Variants in FGL1 observed in about 807,000 individuals in gnomAD.
FGL1 encodes the protein fibrinogen like 1, also known as fibrinogen-like protein 1.
In FGL1, 59 loss-of-function variants were observed where a neutral mutation model predicts 43.7. The observed-to-expected ratio is 1.35, with a 90% CI of 1.10 to 1.68. The LOEUF (loss-of-function observed/expected upper bound fraction) is 1.68, where lower values mean the gene tolerates loss of function less well. Ranked by LOEUF, FGL1 falls within the 40% of genes most tolerant of loss-of-function variation. The pLI is 0.00. For synonymous variants in FGL1, 192 were observed against 126.5 expected, an observed-to-expected ratio of 1.52 and a Z score of -3.48; for missense variants, 596 against 373.0, an observed-to-expected ratio of 1.60 and a Z score of -4.92.
intron 1 of FGL1, among the ~76,000 whole-genome samples, chr8:17,892,201 C>T (rs1454127487): frequency 1.3e-5 from 2 of 151,884 alleles, no homozygotes; most frequent in African/African-American, 4.8e-5. Flanking sequence ...AAAATAAATG[C>T]CCTTATGCAA....
chr8:17,866,936 A>T (rs898321885), intron 7 of FGL1, among the ~76,000 whole-genome samples: 3 of 152,258 alleles, frequency 2.0e-5, no homozygotes, highest in South Asian at 2.1e-4. Context: ...TTAAAATAAC[A>T]GGAAAACCAC....
At chr8:17,887,420 A>G (rs2053644206) in intron 1 of FGL1, among the ~76,000 whole-genome samples, 1 of 152,188 alleles carries the variant, frequency 6.6e-6, no homozygotes, top group South Asian at 2.1e-4. Context: ...AGAGAGGCAT[A>G]TTTTACATTT....
At chr8:17,882,713 T>TTAA (rs1491396828) in intron 2 of FGL1, 4 of 118,992 alleles carry the variant, frequency 3.4e-5, no homozygotes, top group African/African-American at 1.7e-4. Context: ...TATTATATAT[T>TTAA]ATATATATTA....
At chr8:17,865,282 T>C (rs2053254151) in intron 7 of FGL1, among the ~76,000 whole-genome samples, 1 of 152,182 alleles carries the variant, frequency 6.6e-6, no homozygotes, top group African/African-American at 2.4e-5. Context: ...ACAGTGTTAA[T>C]TTCATACTTA....
intron 7 of FGL1, among the ~76,000 whole-genome samples, chr8:17,865,785 A>C (rs1234323831): frequency 1.3e-5 from 2 of 152,216 alleles, no homozygotes; most frequent in African/African-American, 4.8e-5. Flanking sequence ...GAACATTCAC[A>C]AGAGGTAGTT....
chr8:17,895,277 C>G lies in FGL1; in HGVS notation c.-18+170G>C, dbSNP rs191202359. 15 of 1,020,188 alleles carry G rather than the reference C, an allele frequency of 1.5e-5. No homozygotes were observed. The African/African-American group carries it at 2.5e-4, about 17-fold the overall frequency. The allele number at this position is 1,020,188 out of a possible 1,614,324, so 63.2% of individuals were successfully genotyped here. A position where few individuals can be genotyped will look rare whatever the true frequency, so the allele number is the denominator to read the frequency against. ...ATCTGTATATCTGTAACAAAAGATA[C>G]ATAATTCTAAATCTCTTCTCCAAGT... On this transcript the variant is annotated intron_variant, in intron 1 of 7. Coordinates refer to ENST00000427924, the MANE Select transcript of FGL1 (RefSeq NM_004467.4).
intron 7 of FGL1, chr8:17,868,293 A>T: frequency 3.7e-6 from 1 of 270,612 alleles, no homozygotes; most frequent in East Asian, 6.8e-5. Flanking sequence ...TTTATAACTC[A>T]TCCATAATTC....
In FGL1 at chr8:17,868,943, A is replaced by C. The variant is rs771850046; in HGVS notation, c.564T>G (p.Tyr188Ter). The C allele has an allele frequency of 6.2e-7, 1 of 1,603,450 alleles. No homozygotes were observed. ...TTTCATCTCCAACTTTGAAATTCTT[A>C]TATTGTGCATAACGGCTATTTTTTT... ...DFEKNSRYAQYKNFKVGDEKN... is the reference protein window; with the variant it reads ...DFEKNSRYAQ Residue 188 changes from tyrosine (Y) to a stop codon, truncating the protein, a stop_gained, in exon 6 of 8, where the codon TAT becomes TAG. Transcript: ENST00000427924. LOFTEE classifies it high-confidence loss of function.
intron 7 of FGL1, among the ~76,000 whole-genome samples, chr8:17,866,062 T>C (rs2053265373): frequency 6.6e-6 from 1 of 152,196 alleles, no homozygotes; most frequent in South Asian, 2.1e-4. Flanking sequence ...CCAGAATATA[T>C]ATTTTGGCAT....
At chr8:17,870,089 G>A (rs1334731178) in intron 5 of FGL1, among the ~76,000 whole-genome samples, 3 of 152,092 alleles carry the variant, frequency 2.0e-5, no homozygotes, top group South Asian at 2.1e-4. Flanking sequence ...CAGCCTGGGC[G>A]ACAGAGCGAG....
intron 2 of FGL1, among the ~76,000 whole-genome samples, chr8:17,883,693 T>TA (rs1554567306): frequency 2.2e-4 from 31 of 144,034 alleles, no homozygotes; most frequent in African/African-American, 6.4e-4. Context: ...TATATATTTT[T>TA]TATATATATA....
At chr8:17,895,352 T>G (rs1354486158) in intron 1 of FGL1, 95 bp downstream of exon 1, 19 of 1,204,200 alleles carry the variant, frequency 1.6e-5, no homozygotes, top group Non-Finnish European at 2.0e-5. Flanking sequence ...CAAAAGCTAA[T>G]GGTTGTTACC....
chr8:17,894,413 T>C (rs1397109039), intron 1 of FGL1, among the ~76,000 whole-genome samples: 2 of 147,076 alleles, frequency 1.4e-5, no homozygotes, highest in Admixed American at 6.7e-5. Context: ...TTTTTTCCTC[T>C]TTCTGAAAAT....
chr8:17,894,034 T>C (rs1289921079), intron 1 of FGL1, among the ~76,000 whole-genome samples: 1 of 146,820 alleles, frequency 6.8e-6, no homozygotes. Flanking sequence ...TAAATTCTAA[T>C]TCCTTCCCCA....
chr8:17,891,427 CTGTCTTTCCTCTGTG>C (rs985831272), intron 1 of FGL1: 13 of 152,262 alleles, frequency 8.5e-5, no homozygotes, highest in African/African-American at 2.9e-4. Flanking sequence ...CTTCACATAG[CTGTCTTTCCTCTGTG>C]TGTCTCTGTG....
chr8:17,882,474 C>A (rs535056797), intron 2 of FGL1: 4 of 214,886 alleles, frequency 1.9e-5, no homozygotes, highest in South Asian at 1.7e-4. Context: ...CAATTCCATG[C>A]GGTAGGAAAG....
intron 7 of FGL1, among the ~76,000 whole-genome samples, chr8:17,866,303 A>C (rs1397865718): frequency 6.6e-6 from 1 of 152,194 alleles, no homozygotes; most frequent in Non-Finnish European, 1.5e-5. Flanking sequence ...GAAATGCTAC[A>C]CTAACAAAGA....
intron 5 of FGL1, 56 bp from the exon 6 acceptor site, chr8:17,869,060 A>C (rs1226488035): frequency 9.4e-7 from 1 of 1,068,556 alleles, no homozygotes; most frequent in African/African-American, 1.6e-5. Context: ...GACACGGACT[A>C]CTGCGGTTTA....
At chr8:17,877,016 G>T (rs148271906) in intron 3 of FGL1, among the ~76,000 whole-genome samples, 17 of 152,198 alleles carry the variant, frequency 1.1e-4, no homozygotes, top group Admixed American at 3.3e-4. Context: ...AAGCAAAAAA[G>T]CACCAGTAGT....
Sources: allele counts gnomAD v4.1 joint callset (sites outside exome capture counted in the v4.1 genomes callset), GRCh38; gene constraint gnomAD v4.1.1; transcripts MANE v1.5; gene names NCBI Gene and HGNC (gene_info 2026-07-23, HGNC 2026-07-21).